Variants in USP43 observed in about 807,000 individuals in gnomAD.
The protein encoded by USP43 is ubiquitin carboxyl-terminal hydrolase 43.
USP43 carries 33 observed loss-of-function variants against 90.7 expected under a neutral mutation model. The observed-to-expected ratio is 0.36, with a 90% CI of 0.28 to 0.49. The LOEUF is 0.49. Among genes scored for constraint, USP43 ranks in the 20% least tolerant of loss-of-function variants. The pLI is 0.98. For synonymous variants in USP43, 598 were observed against 615.8 expected, an observed-to-expected ratio of 0.97 and a Z score of 0.43; for missense variants, 1,274 against 1,476.4, an observed-to-expected ratio of 0.86 and a Z score of 2.25.
chr17:9,718,841 AAAAAAAAGAAAAAG>A (rs1435514032), intron 14 of USP43, among the ~76,000 whole-genome samples: 1 of 150,472 alleles, frequency 6.6e-6, no homozygotes, highest in East Asian at 2.0e-4. Context: ...ACTCCGTCTC[AAAAAAAAGAAAAAG>A]AAAAAAAGAA....
At chr17:9,714,222 C>A (rs992543113) in intron 14 of USP43, among the ~76,000 whole-genome samples, 3 of 152,170 alleles carry the variant, frequency 2.0e-5, no homozygotes, top group Admixed American at 6.6e-5. Context: ...TGGCCCGATT[C>A]CTAACAGGCT....
intron 2 of USP43, among the ~76,000 whole-genome samples, chr17:9,659,052 G>T (rs948678928): frequency 6.6e-6 from 1 of 152,174 alleles, no homozygotes; most frequent in African/African-American, 2.4e-5. Context: ...GCCTGTGGGG[G>T]TGAACGTGGG....
intron 6 of USP43, among the ~76,000 whole-genome samples, chr17:9,681,713 C>T (rs1322948794): frequency 6.6e-6 from 1 of 151,178 alleles, no homozygotes; most frequent in Non-Finnish European, 1.5e-5. Context: ...AGGCTGGTCT[C>T]GAACTCCTAA....
intron 9 of USP43, among the ~76,000 whole-genome samples, chr17:9,696,452 A>G (rs1338025521): frequency 5.3e-5 from 8 of 151,488 alleles, no homozygotes; most frequent in Admixed American, 1.3e-4. Context: ...GGGTGATCCT[A>G]CTCTTGGTTC....
chr17:9,658,696 C>G (rs925688848), intron 2 of USP43, among the ~76,000 whole-genome samples: 1 of 152,136 alleles, frequency 6.6e-6, no homozygotes, highest in Admixed American at 6.5e-5. Context: ...TTCGTTGTGA[C>G]AGAAATTTAA....
intron 12 of USP43, among the ~76,000 whole-genome samples, chr17:9,708,039 G>A (rs1313160485): frequency 1.3e-5 from 2 of 152,164 alleles, no homozygotes; most frequent in Non-Finnish European, 2.9e-5. Flanking sequence ...TCAGAGCTGA[G>A]GATGAGATAG....
At chr17:9,647,113 C>T (rs1413836505) in intron 1 of USP43, 3 of 151,102 alleles carry the variant, frequency 2.0e-5, no homozygotes, top group African/African-American at 7.3e-5. Flanking sequence ...AGAAGAAACC[C>T]GCAGCTCTGG....
At chr17:9,714,191 C>T (rs1916359639) in intron 14 of USP43, among the ~76,000 whole-genome samples, 1 of 152,186 alleles carries the variant, frequency 6.6e-6, no homozygotes, top group Non-Finnish European at 1.5e-5. Flanking sequence ...CTCATTTGCT[C>T]ACCACTCACT....
intron 12 of USP43, among the ~76,000 whole-genome samples, chr17:9,706,908 G>T (rs1434669207): frequency 6.6e-6 from 1 of 152,014 alleles, no homozygotes; most frequent in Non-Finnish European, 1.5e-5. Context: ...CTCCCAAAGT[G>T]CTGGGATTAC....
intron 12 of USP43, among the ~76,000 whole-genome samples, chr17:9,707,677 C>A: frequency 6.7e-6 from 1 of 148,726 alleles, no homozygotes; most frequent in South Asian, 2.1e-4. Context: ...TAAAATATTT[C>A]ATTTTTTATT....
intron 6 of USP43, among the ~76,000 whole-genome samples, chr17:9,681,270 T>C (rs1914207687): frequency 9.1e-6 from 1 of 109,516 alleles, no homozygotes; most frequent in Admixed American, 1.3e-4. Flanking sequence ...ATATTTGATA[T>C]ATATTTAATA....
chr17:9,666,469 A>G (rs1913044898), intron 2 of USP43, among the ~76,000 whole-genome samples, 179 bp from the exon 3 acceptor site: 1 of 151,878 alleles, frequency 6.6e-6, no homozygotes, highest in Non-Finnish European at 1.5e-5. Flanking sequence ...AGAATTTGGG[A>G]GGTCAGGGGA....
At chr17:9,675,031 C>A in intron 4 of USP43, 48 bp downstream of exon 4, 1 of 1,531,230 alleles carries the variant, frequency 6.5e-7, no homozygotes, top group Non-Finnish European at 9.0e-7. Flanking sequence ...TCCATCCTTA[C>A]TCATTACGGG....
intron 1 of USP43, among the ~76,000 whole-genome samples, chr17:9,648,955 C>G (rs1259792257): frequency 1.3e-5 from 2 of 151,282 alleles, no homozygotes; most frequent in Non-Finnish European, 2.9e-5. Flanking sequence ...CTCTCTCTCT[C>G]TCTCCCTCCC....
intron 4 of USP43, 117 bp from the exon 5 acceptor site, chr17:9,676,629 C>T (rs1160832292): frequency 3.0e-6 from 4 of 1,322,580 alleles, no homozygotes; most frequent in Non-Finnish European, 4.0e-6. Context: ...GCTTCAGCCT[C>T]CCAAAATGCT....
chr17:9,705,721 T>C (rs1390984056), intron 12 of USP43, among the ~76,000 whole-genome samples: 22 of 147,486 alleles, frequency 1.5e-4, no homozygotes, highest in Non-Finnish European at 3.0e-4. Context: ...ACCACTGCAC[T>C]CCAGCCTGGG....
At chr17:9,695,186 G>T (rs1332882560) in intron 9 of USP43, among the ~76,000 whole-genome samples, 1 of 151,788 alleles carries the variant, frequency 6.6e-6, no homozygotes, top group East Asian at 1.9e-4. Context: ...AGCCCTGCTG[G>T]TACAGCTCTC....
intron 2 of USP43, 105 bp from the exon 3 acceptor site, chr17:9,666,543 A>G: frequency 2.3e-6 from 2 of 880,610 alleles, no homozygotes; most frequent in Non-Finnish European, 3.6e-6. Context: ...GAGGCCCAGA[A>G]AGGGATGATG....
chr17:9,728,325 C>T lies in USP43; in HGVS notation c.2707C>T (p.Pro903Ser), dbSNP rs746846771. The part of the protein sequence containing the change: ...PSAQPNHCLA[P>S]GNSDGPNTAR... The stretch of plus-strand genomic sequence containing the variant: ...GGCTCAACCCAACCACTGTCTGGCC[C>T]CTGGAAACTCAGATGGTCCAAACAC... Residue 903 changes from proline (P) to serine (S), a missense_variant, in exon 15 of 15, where the codon CCT (proline) becomes TCT (serine). By Grantham distance (74) the Pro-to-Ser change is moderately conservative. Transcript: ENST00000285199. The surrounding 1 kb of genome is among the most constrained non-coding windows in gnomAD (Gnocchi z 6.2). The T allele has an allele frequency of 3.7e-6, 6 of 1,612,280 alleles. No individual in the cohort carries two copies. The South Asian group carries it at 4.4e-5, about 12-fold the overall frequency.
Sources: allele counts gnomAD v4.1 joint callset (sites outside exome capture counted in the v4.1 genomes callset), GRCh38; gene constraint gnomAD v4.1.1; non-coding constraint Gnocchi (gnomAD v3.1); transcripts MANE v1.5; gene names NCBI Gene and HGNC (gene_info 2026-07-23, HGNC 2026-07-21).